The following TAF15 variants were observed in gnomAD, a reference collection of about 807,000 sequenced individuals.
TAF15 encodes the protein TATA-box binding protein associated factor 15.
TAF15 carries 37 observed loss-of-function variants against 102.5 expected under a neutral mutation model. The observed-to-expected ratio is 0.36, with a 90% CI of 0.28 to 0.47. The LOEUF (loss-of-function observed/expected upper bound fraction) is 0.47, where lower values mean the gene tolerates loss of function less well. Among genes scored for constraint, TAF15 ranks in the 20% least tolerant of loss-of-function variants. The pLI, the probability that TAF15 is intolerant of heterozygous loss-of-function variation, is 0.99. For synonymous variants in TAF15, 273 were observed against 259.2 expected (o/e 1.05, Z -0.51); for missense variants, 652 against 760.7 (o/e 0.86, Z 1.68).
chr17:35,826,924 A>C (rs948204096), intron 7 of TAF15, among the ~76,000 whole-genome samples: 7 of 151,014 alleles, frequency 4.6e-5, no homozygotes, highest in African/African-American at 1.7e-4. Context: ...ACATCTTTTT[A>C]AAGATGTGCT....
At chr17:35,826,297 C>G (rs1598530727) in intron 7 of TAF15, among the ~76,000 whole-genome samples, 2 of 152,048 alleles carry the variant, frequency 1.3e-5, no homozygotes, top group South Asian at 2.1e-4. Context: ...GCCTTATACT[C>G]TGTTATTTGT....
intron 10 of TAF15, among the ~76,000 whole-genome samples, chr17:35,837,215 A>G (rs2087485956): frequency 6.6e-6 from 1 of 152,126 alleles, no homozygotes; most frequent in African/African-American, 2.4e-5. Context: ...ACAGTGGCAT[A>G]ATCATGGGTC....
chr17:35,821,182 C>G (rs2087253820), intron 5 of TAF15, among the ~76,000 whole-genome samples: 1 of 151,970 alleles, frequency 6.6e-6, no homozygotes, highest in Admixed American at 6.6e-5. Flanking sequence ...GACATTTATT[C>G]TAAGTGAAAA....
intron 15 of TAF15, 80 bp downstream of exon 15, chr17:35,845,118 T>C: frequency 1.9e-6 from 3 of 1,579,392 alleles, no homozygotes. Context: ...TTTAACAATT[T>C]TTTGGAACTT....
In TAF15 at chr17:35,838,570, T is replaced by C. The variant is rs1053444724; in HGVS notation, c.913+17T>C. The stretch of plus-strand genomic sequence containing the variant: ...GGTTTGATGGTATGCCTCATTCGTA[T>C]AGTTTTCAGCATGAAGTTGGATAAA... On this transcript the variant is annotated intron_variant, in intron 11 of 15. Coordinates refer to ENST00000605844, the MANE Select transcript of TAF15 (RefSeq NM_139215.3). 7.4e-6 allele frequency: 12 copies of C among 1,613,456 alleles called. No individual in the cohort carries two copies. In the South Asian group the frequency reaches 7.7e-5, roughly 10 times the overall value.
At chr17:35,826,972 G>A (rs1003801086) in intron 7 of TAF15, among the ~76,000 whole-genome samples, 2 of 151,766 alleles carry the variant, frequency 1.3e-5, no homozygotes, top group Non-Finnish European at 2.9e-5. Flanking sequence ...TTTTGAATTT[G>A]AATATAGATG....
rs533058888 is a variant in TAF15, at chr17:35,834,740, C to CTTTTTTTTTTTTTTTTTTTTTTT, written c.673+164_673+165insTTTTTTTTTTTTTTTTTTTTTTT. 66 of 236,408 alleles carry CTTTTTTTTTTTTTTTTTTTTTTT rather than the reference C, an allele frequency of 2.8e-4. 6 individuals are homozygous for CTTTTTTTTTTTTTTTTTTTTTTT. Among genetic ancestry groups the CTTTTTTTTTTTTTTTTTTTTTTT allele is most frequent in the African/African-American group, 2.1e-3 (40 of 19,376 alleles). The allele number at this position is 236,408 out of a possible 1,614,324, so 14.6% of individuals were successfully genotyped here. A position where few individuals can be genotyped will look rare whatever the true frequency, so the allele number is the denominator to read the frequency against. ...CTGCCAGAACTGGGGAGCTTTATTTCTTTTTTTTTTTTTTTTTTTTTTGAG... is the reference window on the plus strand; with the variant it reads ...CTGCCAGAACTGGGGAGCTTTATTTCTTTTTTTTTTTTTTTTTTTTTTTTTTTTTTTTTTTTTTTTTTTTTGAG... On this transcript the variant is annotated intron_variant, in intron 9 of 15. Coordinates refer to ENST00000605844, the MANE Select transcript of TAF15 (RefSeq NM_139215.3).
chr17:35,833,716 AATAG>A (rs2087435376), intron 7 of TAF15, 187 bp from the exon 8 acceptor site: 1 of 604,310 alleles, frequency 1.7e-6, no homozygotes, highest in Non-Finnish European at 2.9e-6. Context: ...ATCTTGTGGA[AATAG>A]ATCCTTGGGA....
intron 7 of TAF15, among the ~76,000 whole-genome samples, chr17:35,826,558 ATTT>A (rs551894376): frequency 4.1e-4 from 56 of 136,784 alleles, no homozygotes; most frequent in Middle Eastern, 3.6e-3. Flanking sequence ...AGTTCATATA[ATTT>A]TTTTTTTTTT....
At chr17:35,843,968 G>C in intron 12 of TAF15, 109 bp from the exon 13 acceptor site, 1 of 969,074 alleles carries the variant, frequency 1.0e-6, no homozygotes, top group Non-Finnish European at 1.7e-6. Context: ...TTAATTTGCA[G>C]AGTGCTGCCT....
At chr17:35,838,691 A>T in intron 11 of TAF15, 138 bp downstream of exon 11, 1 of 1,283,208 alleles carries the variant, frequency 7.8e-7, no homozygotes, top group Non-Finnish European at 1.1e-6. Context: ...CAGAATTTTT[A>T]TGTACCTTTA....
chr17:35,820,271 G>C (rs1419360671), intron 4 of TAF15, 23 bp downstream of exon 4: 1 of 1,613,764 alleles, frequency 6.2e-7, no homozygotes, highest in African/African-American at 1.3e-5. Flanking sequence ...TGTTAAATTT[G>C]TTGTTTCAGA....
At chr17:35,835,551 T>G (rs2087463461) in intron 9 of TAF15, among the ~76,000 whole-genome samples, 1 of 152,260 alleles carries the variant, frequency 6.6e-6, no homozygotes, top group Non-Finnish European at 1.5e-5. Context: ...TTCTGAATTA[T>G]CCCTTCATGG....
chr17:35,815,715 CAT>C (rs1024498966), intron 1 of TAF15, among the ~76,000 whole-genome samples: 2 of 152,196 alleles, frequency 1.3e-5, no homozygotes, highest in African/African-American at 4.8e-5. Flanking sequence ...TTTTCCCCCT[CAT>C]AACCCTTTTC....
chr17:35,828,461 T>C (rs1369241823), intron 7 of TAF15, among the ~76,000 whole-genome samples: 2 of 152,240 alleles, frequency 1.3e-5, no homozygotes, highest in African/African-American at 2.4e-5. Context: ...TTGTTGGTCA[T>C]GATGGCCTGC....
In TAF15 at chr17:35,809,862, G is replaced by A. The variant is rs1299282295; in HGVS notation, c.7+286G>A. 8.6e-6 allele frequency: 5 copies of A among 579,800 alleles called. No homozygotes were observed. The Admixed American group carries it at 1.5e-4, about 18-fold the overall frequency. 35.9% of individuals were successfully genotyped at this position (579,800 alleles called of 1,614,324 possible). On this transcript the variant is annotated intron_variant, in intron 1 of 15. Coordinates refer to ENST00000605844, the MANE Select transcript of TAF15 (RefSeq NM_139215.3). ...TCCCGGGGGAGGGTGTGTGTGAGTC[G>A]GGGGGCGGAGGCCGTCTACGCCATC...
Position 35,822,807 on chromosome 17 carries a change from G to A in TAF15, c.458G>A (p.Arg153Lys), listed in dbSNP as rs777740721. The A allele has an allele frequency of 4.7e-5, 76 of 1,614,000 alleles. No homozygotes were observed. Among genetic ancestry groups the A allele is most frequent in the Non-Finnish European group, 6.4e-5 (76 of 1,180,028 alleles). Residue 153 changes from arginine (R) to lysine (K), a missense_variant, in exon 6 of 16, where the codon AGG becomes AAG. Transcript: ENST00000605844. ...AACCAGCAGTCCTATCATTCACAAA[G>A]GGAAAACTACAGCCACCACACACAA... is the stretch of plus-strand genomic sequence containing the variant. ...SQNQQSYHSQ[R>K]ENYSHHTQDD...
At chr17:35,817,686 A>T (rs1249499201) in intron 1 of TAF15, 30 bp from the exon 2 acceptor site, 1 of 1,600,738 alleles carries the variant, frequency 6.2e-7, no homozygotes, top group Admixed American at 1.7e-5. Context: ...AATTTTAAAT[A>T]AGATTTAAAA....
At position 35,847,060 on chromosome 17, in the gene TAF15, GA is replaced by G; in HGVS notation, c.*116del. On this transcript the variant is annotated 3_prime_UTR_variant, in exon 16 of 16. Coordinates refer to ENST00000605844, the MANE Select transcript of TAF15 (RefSeq NM_139215.3). The stretch of plus-strand genomic sequence containing the variant: ...GGGTAGTGAAATTAAGTGACATTTG[GA>G]TTTTTATTTGGGTGGGAGGGCTGGG... 1 of 462,622 alleles carries G rather than the reference GA, an allele frequency of 2.2e-6. No individual in the cohort carries two copies. The highest frequency in any genetic ancestry group is 4.5e-6 in the Non-Finnish European group (1 of 222,674). The allele number at this position is 462,622 out of a possible 1,614,324, so 28.7% of individuals were successfully genotyped here. A position where few individuals can be genotyped will look rare whatever the true frequency, so the allele number is the denominator to read the frequency against.
Sources: allele counts gnomAD v4.1 joint callset (sites outside exome capture counted in the v4.1 genomes callset), GRCh38; gene constraint gnomAD v4.1.1; transcripts MANE v1.5; gene names NCBI Gene and HGNC (gene_info 2026-07-23, HGNC 2026-07-21).